GBP7: variants seen among roughly 807,000 people sequenced by gnomAD.
GBP7 encodes guanylate-binding protein 7.
In GBP7, 43 loss-of-function variants were observed where a neutral mutation model predicts 61.3. The observed-to-expected ratio is 0.70, with a 90% confidence interval of 0.55 to 0.91. The LOEUF is 0.91. GBP7 is among the 40% of genes least tolerant of loss of function. GBP7 has a pLI of 0.00. For missense variants in GBP7, 717 were observed against 740.5 expected (o/e 0.97, Z 0.37); for synonymous variants, 267 against 271.0 (o/e 0.99, Z 0.14).
At chr1:89,134,436 C>T (rs984952234) in intron 9 of GBP7, among the ~76,000 whole-genome samples, 10 of 152,162 alleles carry the variant, frequency 6.6e-5, no homozygotes, top group Non-Finnish European at 1.0e-4. Context: ...CACTCCTCAT[C>T]GGTGTGTTGT....
At chr1:89,139,733 C>T (rs1268732292) in intron 9 of GBP7, among the ~76,000 whole-genome samples, 2 of 152,152 alleles carry the variant, frequency 1.3e-5, no homozygotes, top group Non-Finnish European at 2.9e-5. Flanking sequence ...AAATCAAAAC[C>T]ACAATGAGAT....
At position 89,152,428 on chromosome 1, in the gene GBP7, T is replaced by A. The variant is rs765200010; in HGVS notation, c.465A>T (p.Lys155Asn). The change falls in exon 5 of 11, where the codon AAA (lysine) becomes AAT (asparagine). Residue 155 changes from lysine to asparagine, a missense_variant. Lys to Asn is a moderately conservative substitution (Grantham distance 94). Transcript: ENST00000294671. Reference sequence around the variant, plus strand: ...CAACTTCATCAGGTCTGGGGCACGATTTTGCCCTGATTAGCTCTGTTAGCT... The same window carrying A: ...CAACTTCATCAGGTCTGGGGCACGAATTTGCCCTGATTAGCTCTGTTAGCT... ...VTELTELIRA[K>N]SCPRPDEVED... 83 of 1,613,998 alleles carry A rather than the reference T, an allele frequency of 5.1e-5. 1 individual carries two copies. The South Asian group carries it at 9.1e-4, about 18-fold the overall frequency.
intron 10 of GBP7, 55 bp from the exon 11 acceptor site, chr1:89,132,458 G>C: frequency 1.5e-6 from 2 of 1,344,882 alleles, no homozygotes; most frequent in Non-Finnish European, 2.0e-6. Context: ...AGAGACCGAG[G>C]TTTGTATTTA....
rs535142311 is a variant in GBP7, at chr1:89,156,355, A to G, written c.319-3578T>C. On this transcript the variant is annotated intron_variant, in intron 3 of 10. Transcript: ENST00000294671. The stretch of plus-strand genomic sequence containing the variant: ...CAGGATCAAATTCACACATAACAAT[A>G]TTAACCTTAAATGTAAATGGGCTAA... 5.8e-4 allele frequency among the ~76,000 whole-genome samples: 89 copies of G among 152,320 alleles called. No individual in the cohort carries two copies. In the Middle Eastern group the frequency reaches 0.027, roughly 47 times the overall value.
intron 8 of GBP7, among the ~76,000 whole-genome samples, chr1:89,143,622 G>A (rs1174372719): frequency 6.6e-6 from 1 of 152,124 alleles, no homozygotes; most frequent in Non-Finnish European, 1.5e-5. Context: ...ATGCCTTCTG[G>A]TAAGGCTTCA....
At chr1:89,138,817 A>G (rs533491579) in intron 9 of GBP7, among the ~76,000 whole-genome samples, 1 of 152,316 alleles carries the variant, frequency 6.6e-6, no homozygotes, top group East Asian at 1.9e-4. Context: ...AACCGAACAA[A>G]AAGTTAACAA....
chr1:89,135,759 T>C (rs1351584552), intron 9 of GBP7, among the ~76,000 whole-genome samples: 1 of 152,110 alleles, frequency 6.6e-6, no homozygotes. Context: ...ACATGGATCA[T>C]TGACACTACA....
intron 9 of GBP7, 130 bp downstream of exon 9, chr1:89,141,416 A>G: frequency 1.6e-6 from 1 of 612,616 alleles, no homozygotes; most frequent in Non-Finnish European, 2.7e-6. Context: ...TGTTATTTTC[A>G]GTTTTAGCAG....
chr1:89,156,965 C>A (rs1032736815), intron 3 of GBP7, among the ~76,000 whole-genome samples: 1 of 152,156 alleles, frequency 6.6e-6, no homozygotes, highest in Admixed American at 6.5e-5. Context: ...TAAAGCACTC[C>A]TCAGCAAATG....
chr1:89,137,330 A>G (rs967057705), intron 9 of GBP7, among the ~76,000 whole-genome samples: 3 of 152,188 alleles, frequency 2.0e-5, no homozygotes, highest in Non-Finnish European at 2.9e-5. Flanking sequence ...CTGATTTTAA[A>G]AACCTGGCAG....
At position 89,164,935 on chromosome 1, in the gene GBP7, A is replaced by G. The variant is rs539673898; in HGVS notation, c.191-77T>C. 2.4e-5 allele frequency: 35 copies of G among 1,440,258 alleles called. No homozygotes were observed. In the African/African-American group the frequency reaches 4.4e-4, roughly 18 times the overall value. The allele number at this position is 1,440,258 out of a possible 1,614,324, so 89.2% of individuals were successfully genotyped here. A position where few individuals can be genotyped will look rare whatever the true frequency, so the allele number is the denominator to read the frequency against. On this transcript the variant is annotated intron_variant, in intron 2 of 10. Transcript: ENST00000294671. ...CAAGGCCTATACCAGTTAAATGTAT[A>G]GGAACGTTAAGTTCCTGGCAGGGGA...
rs147284158 is a variant in GBP7 at position 89,171,188 on chromosome 1, C to T, written c.190+558G>A. Among the ~76,000 whole-genome samples the T allele has an allele frequency of 2.4e-3, 365 of 152,250 alleles. 2 individuals carry two copies. Among genetic ancestry groups the T allele is most frequent in the African/African-American group, 8.2e-3 (342 of 41,550 alleles). On this transcript the variant is annotated intron_variant, in intron 2 of 10. Coordinates refer to ENST00000294671, the MANE Select transcript of GBP7 (RefSeq NM_207398.3). ...GGAACTCAAGATATGGTAGTCAAAT[C>T]ACTCATTTCCTGAATGATGAAACTG...
At chr1:89,132,624 G>A (rs936463250) in intron 10 of GBP7, among the ~76,000 whole-genome samples, 4 of 152,138 alleles carry the variant, frequency 2.6e-5, no homozygotes, top group Admixed American at 1.3e-4. Context: ...CACTGGAGGT[G>A]GGGAGGAATT....
In GBP7 at chr1:89,132,320, A is replaced by G. The variant is rs141236032; in HGVS notation, c.1746T>C (p.Ile582=). The change falls in exon 11 of 11, where the codon ATT becomes ATC. Residue 582 remains isoleucine (I), a synonymous_variant. Coordinates refer to ENST00000294671, the MANE Select transcript of GBP7 (RefSeq NM_207398.3). ...AGGGCTCTTCATTTTCAGCTGCTTC[A>G]ATTTGTTCTTTCAGTCGATTAATCT... ...NEEINRLKEQ[I]EAAENEEPSV... is the part of the protein sequence containing the mutation. The G allele has an allele frequency of 9.2e-4, 1,491 of 1,613,854 alleles. 7 individuals are homozygous for G. The African/African-American group carries it at 0.017, about 18-fold the overall frequency.
intron 8 of GBP7, among the ~76,000 whole-genome samples, chr1:89,143,358 T>TA (rs1179053483): frequency 6.6e-6 from 1 of 152,184 alleles, no homozygotes; most frequent in Non-Finnish European, 1.5e-5. Context: ...ACTTATGAAG[T>TA]AAAAAATCAT....
intron 1 of GBP7, among the ~76,000 whole-genome samples, chr1:89,174,521 ATAG>A (rs1252944388): frequency 6.6e-6 from 1 of 152,212 alleles, no homozygotes; most frequent in Non-Finnish European, 1.5e-5. Context: ...GCTCATGTAT[ATAG>A]TAGTAGTAAT....
At chr1:89,158,061 GC>G (rs1164894063) in intron 3 of GBP7, among the ~76,000 whole-genome samples, 10 of 152,148 alleles carry the variant, frequency 6.6e-5, no homozygotes, top group African/African-American at 2.4e-4. Context: ...TTCAACACAT[GC>G]AAATCAATAA....
chr1:89,150,039 G>A (rs1178389257), intron 6 of GBP7, among the ~76,000 whole-genome samples: 3 of 152,148 alleles, frequency 2.0e-5, no homozygotes, highest in Non-Finnish European at 1.5e-5. Context: ...CTAAAAGACT[G>A]CACAGGTAAC....
chr1:89,139,992 C>G (rs958569380), intron 9 of GBP7, among the ~76,000 whole-genome samples: 45 of 152,178 alleles, frequency 3.0e-4, no homozygotes, highest in Non-Finnish European at 6.2e-4. Flanking sequence ...CACATGGACA[C>G]ATATGTTTAT....
Sources: allele counts gnomAD v4.1 joint callset (sites outside exome capture counted in the v4.1 genomes callset), GRCh38; gene constraint gnomAD v4.1.1; transcripts MANE v1.5; gene names NCBI Gene and HGNC (gene_info 2026-07-23, HGNC 2026-07-21).